Variants in GREB1 observed in about 807,000 individuals in gnomAD.
GREB1 encodes the protein growth regulating estrogen receptor binding 1.
Under a neutral mutation model 200.7 loss-of-function variants are expected in GREB1, and 106 were observed. The observed-to-expected ratio is 0.53, with a 90% CI of 0.45 to 0.62. The LOEUF is 0.62. GREB1 is among the 20% of genes least tolerant of loss of function. The pLI, the probability that GREB1 is intolerant of heterozygous loss-of-function variation, is 0.00. For missense variants in GREB1, 2,243 were observed against 2,556.8 expected (o/e 0.88, Z 2.65); for synonymous variants, 1,132 against 1,092.4 (o/e 1.04, Z -0.72).
intron 3 of GREB1, 50 bp from the exon 4 acceptor site, chr2:11,566,430 C>A: frequency 6.5e-7 from 1 of 1,534,536 alleles, no homozygotes; most frequent in Admixed American, 1.9e-5. Flanking sequence ...CCTGTGACCC[C>A]GCTTCTGGGA....
intron 10 of GREB1, among the ~76,000 whole-genome samples, chr2:11,590,706 T>C (rs1033822435): frequency 2.6e-5 from 4 of 151,988 alleles, no homozygotes; most frequent in Admixed American, 2.0e-4. Context: ...CCAGCTAGGG[T>C]GTAAGCTCCA....
At chr2:11,578,705 A>C (rs894376861) in intron 6 of GREB1, among the ~76,000 whole-genome samples, 13 of 152,150 alleles carry the variant, frequency 8.5e-5, no homozygotes, top group African/African-American at 3.1e-4. Context: ...CCCCCACCCC[A>C]ACCCCCGCAC....
chr2:11,601,041 G>A (rs755229894), intron 16 of GREB1, 46 bp downstream of exon 16: 1 of 1,497,012 alleles, frequency 6.7e-7, no homozygotes. Context: ...AATATCACTT[G>A]GGTTTGCAGA....
intron 32 of GREB1, among the ~76,000 whole-genome samples, chr2:11,639,982 G>A (rs1176004664): frequency 6.6e-6 from 1 of 152,130 alleles, no homozygotes; most frequent in Non-Finnish European, 1.5e-5. Flanking sequence ...GCTACCGGCT[G>A]GGGCTGAGGA....
At chr2:11,489,660 G>A (rs929998987) in intron 1 of GREB1, among the ~76,000 whole-genome samples, 1 of 152,196 alleles carries the variant, frequency 6.6e-6, no homozygotes, top group Admixed American at 6.5e-5. Context: ...GGACTCATGC[G>A]TGTAAGAGTA....
intron 26 of GREB1, 100 bp downstream of exon 26, chr2:11,630,209 C>T (rs1465067684): frequency 3.9e-5 from 45 of 1,147,018 alleles, no homozygotes; most frequent in South Asian, 2.8e-4. Flanking sequence ...GTGCAGACAC[C>T]GATACAGGGA....
intron 1 of GREB1, among the ~76,000 whole-genome samples, chr2:11,503,489 T>A (rs2148432312): frequency 6.6e-6 from 1 of 152,340 alleles, no homozygotes; most frequent in South Asian, 2.1e-4. Context: ...CTGATCATCC[T>A]TTTGTATCTC....
intron 29 of GREB1, 72 bp downstream of exon 29, chr2:11,634,421 G>A: frequency 1.7e-6 from 2 of 1,179,666 alleles, no homozygotes; most frequent in Non-Finnish European, 2.5e-6. Flanking sequence ...GGGCAGCCTG[G>A]GGCTGCAGAG....
chr2:11,627,877 GAGA>G (rs1272783229), intron 25 of GREB1, among the ~76,000 whole-genome samples: 1 of 152,210 alleles, frequency 6.6e-6, no homozygotes, highest in African/African-American at 2.4e-5. Flanking sequence ...GAGCGGAAGA[GAGA>G]AGATTTGGAA....
intron 6 of GREB1, 83 bp downstream of exon 6, chr2:11,578,514 A>G: frequency 1.4e-6 from 2 of 1,414,246 alleles, no homozygotes; most frequent in Non-Finnish European, 1.9e-6. Context: ...TATGCCGTCA[A>G]GCATTCTTCA....
rs766953921 is a variant in GREB1, at chr2:11,588,871, A to G, written c.1285A>G (p.Ile429Val). 2 of 1,614,142 alleles carry G rather than the reference A, an allele frequency of 1.2e-6. No homozygotes were observed. Among genetic ancestry groups the G allele is most frequent in the South Asian group, 1.1e-5 (1 of 91,074 alleles). Reference sequence around the variant, plus strand: ...ATACGAGCAGTACGGCGCCTCTGCCATCCAGCCCATCTCCGAGGAGATGCA... The same window carrying G: ...ATACGAGCAGTACGGCGCCTCTGCCGTCCAGCCCATCTCCGAGGAGATGCA... ...RAYEQYGASA[I>V]QPISEEMQLL... is the part of the protein sequence containing the mutation. The change falls in exon 10 of 33, where the codon ATC becomes GTC. Residue 429 changes from isoleucine (I) to valine (V), a missense_variant. Transcript: ENST00000381486.
chr2:11,496,618 G>T (rs367994410), intron 1 of GREB1, among the ~76,000 whole-genome samples: 95 of 146,916 alleles, frequency 6.5e-4, no homozygotes, highest in African/African-American at 2.2e-3. Flanking sequence ...CTAGCAAGAA[G>T]AATATTGTTA....
At position 11,641,259 on chromosome 2, in the gene GREB1, A is replaced by T. The variant is rs1685789682; in HGVS notation, c.*805A>T. The T allele has an allele frequency of 6.6e-6, 1 of 152,178 alleles. No individual in the cohort carries two copies. The highest frequency in any genetic ancestry group is 1.5e-5 in the Non-Finnish European group (1 of 68,036). The allele number at this position is 152,178 out of a possible 1,614,324, so 9.4% of individuals were successfully genotyped here. The stretch of plus-strand genomic sequence containing the variant: ...ACAGACAATGAAAACAACCAAAGTG[A>T]TATATAAAATAGTTGATGAGAACTA... On this transcript the variant is annotated 3_prime_UTR_variant, in exon 33 of 33. Transcript: ENST00000381486.
At chr2:11,584,506 C>T (rs549789070) in intron 7 of GREB1, among the ~76,000 whole-genome samples, 46 of 152,288 alleles carry the variant, frequency 3.0e-4, no homozygotes, top group African/African-American at 1.1e-3. Flanking sequence ...ATATTTCTCT[C>T]TTCCAGCCCT....
At position 11,640,006 on chromosome 2, in the gene GREB1, A is replaced by G. The variant is rs946535073; in HGVS notation, c.5687-285A>G. Among the ~76,000 whole-genome samples the G allele has an allele frequency of 3.3e-5, 5 of 151,966 alleles. No individual in the cohort carries two copies. The highest frequency in any genetic ancestry group is 1.2e-4 in the African/African-American group (5 of 41,374). Reference sequence around the variant, plus strand: ...TGGGGCTGAGGATGCTTGGTTTGCGATTCCACCAGCCTCTCTCCTTCCTCT... The same window carrying G: ...TGGGGCTGAGGATGCTTGGTTTGCGGTTCCACCAGCCTCTCTCCTTCCTCT... On this transcript the variant is annotated intron_variant, in intron 32 of 32. Coordinates refer to ENST00000381486, the MANE Select transcript of GREB1 (RefSeq NM_014668.4). This position sits in a 1 kb window ranked among gnomAD's most constrained non-coding sequence, Gnocchi z 4.6.
chr2:11,528,972 G>A (rs753264972), intron 1 of GREB1, among the ~76,000 whole-genome samples: 12 of 152,146 alleles, frequency 7.9e-5, no homozygotes, highest in Non-Finnish European at 1.8e-4. Flanking sequence ...AAAAAGAGAA[G>A]ACTTTATTTT....
At chr2:11,632,335 C>CTTTTTTTTTTT (rs567209224) in intron 27 of GREB1, among the ~76,000 whole-genome samples, 2 of 112,184 alleles carry the variant, frequency 1.8e-5, no homozygotes, top group Non-Finnish European at 3.6e-5. Flanking sequence ...TTCTTTCTCT[C>CTTTTTTTTTTT]TTTTTTTTTT....
In GREB1 at chr2:11,615,220, C is replaced by T. The variant is rs558985013; in HGVS notation, c.3252C>T (p.Asn1084=). The change falls in exon 20 of 33, where the codon AAC becomes AAT. Residue 1084 remains asparagine, a synonymous_variant. Transcript: ENST00000381486. ...TTCCCTTGGAGAAGGGGGCTAGGAACGAGGCCTTGGAGAGTGATGCTGAGA... is the reference window on the plus strand; with the variant it reads ...TTCCCTTGGAGAAGGGGGCTAGGAATGAGGCCTTGGAGAGTGATGCTGAGA... ...NEVPLEKGAR[N]EALESDAEKL... The T allele has an allele frequency of 7.0e-5, 113 of 1,613,522 alleles. No individual in the cohort carries two copies. Among genetic ancestry groups the T allele is most frequent in the Non-Finnish European group, 9.0e-5 (106 of 1,179,692 alleles).
intron 1 of GREB1, among the ~76,000 whole-genome samples, chr2:11,484,658 G>A (rs935283278): frequency 1.3e-5 from 2 of 151,964 alleles, no homozygotes; most frequent in African/African-American, 4.8e-5. Context: ...GGTGGCACAT[G>A]CCTGTAGTCC....
Sources: allele counts gnomAD v4.1 joint callset (sites outside exome capture counted in the v4.1 genomes callset), GRCh38; gene constraint gnomAD v4.1.1; non-coding constraint Gnocchi (gnomAD v3.1); transcripts MANE v1.5; gene names NCBI Gene and HGNC (gene_info 2026-07-23, HGNC 2026-07-21).